DCBLD1: variants seen among roughly 807,000 people sequenced by gnomAD.
DCBLD1 encodes discoidin, CUB and LCCL domain-containing protein 1.
DCBLD1 carries 57 observed loss-of-function variants against 71.5 expected under a neutral mutation model. That is an observed-to-expected ratio of 0.80 (90% CI 0.64 to 0.99). The LOEUF is 0.99. DCBLD1 is among the 50% of genes least tolerant of loss of function. DCBLD1 has a pLI of 0.00. For missense variants in DCBLD1, 891 were observed against 923.5 expected, an observed-to-expected ratio of 0.96 and a Z score of 0.46; for synonymous variants, 380 against 363.8, an observed-to-expected ratio of 1.04 and a Z score of -0.51.
intron 12 of DCBLD1, 24 bp downstream of exon 12, chr6:117,543,235 A>G: frequency 2.2e-5 from 35 of 1,606,512 alleles, no homozygotes; most frequent in Non-Finnish European, 3.0e-5. Context: ...ACATGTTTAA[A>G]TTTCTTCTCT....
intron 2 of DCBLD1, among the ~76,000 whole-genome samples, chr6:117,513,275 G>A (rs1262007918): frequency 7.2e-5 from 11 of 152,154 alleles, no homozygotes; most frequent in Non-Finnish European, 1.5e-4. Context: ...TAATGAAATA[G>A]TAGCCCGAAA....
intron 2 of DCBLD1, among the ~76,000 whole-genome samples, chr6:117,509,613 T>C (rs969430164): frequency 6.6e-6 from 1 of 152,218 alleles, no homozygotes; most frequent in Non-Finnish European, 1.5e-5. Context: ...CCCCTCCCTC[T>C]TCCCAGCCGC....
At chr6:117,517,842 C>T (rs1427999539) in intron 2 of DCBLD1, among the ~76,000 whole-genome samples, 3 of 152,192 alleles carry the variant, frequency 2.0e-5, no homozygotes, top group Non-Finnish European at 4.4e-5. Flanking sequence ...GGATGCTAGT[C>T]CTGGCCCAGG....
chr6:117,540,395 A>G (rs751220301), intron 9 of DCBLD1: 16 of 357,226 alleles, frequency 4.5e-5, no homozygotes, highest in Non-Finnish European at 7.3e-5. Context: ...AGTTGAATGT[A>G]GGAATATTAA....
intron 1 of DCBLD1, among the ~76,000 whole-genome samples, chr6:117,486,417 A>G (rs879238591): frequency 6.6e-6 from 1 of 152,180 alleles, no homozygotes; most frequent in African/African-American, 2.4e-5. Context: ...AATGTTAGCT[A>G]TCTTAGTATT....
chr6:117,548,795 A>G lies in DCBLD1; in HGVS notation c.*356A>G, dbSNP rs1287362543. 3.5e-5 allele frequency: 39 copies of G among 1,108,294 alleles called. No homozygotes were observed. The highest frequency in any genetic ancestry group is 4.0e-5 in the Non-Finnish European group (36 of 907,650). The allele number at this position is 1,108,294 out of a possible 1,614,324, so 68.7% of individuals were successfully genotyped here. ...AATAAAAGTAACTTAAGTTTGCTCT[A>G]TCAGATTTTAGTTCTGCACAGAGGT... On this transcript the variant is annotated 3_prime_UTR_variant, in exon 15 of 15. Coordinates refer to ENST00000338728, the MANE Select transcript of DCBLD1 (RefSeq NM_001366458.2).
intron 2 of DCBLD1, among the ~76,000 whole-genome samples, chr6:117,509,754 A>G (rs1777955905): frequency 6.6e-6 from 1 of 152,030 alleles, no homozygotes; most frequent in East Asian, 1.9e-4. Flanking sequence ...CCAGCAGCAC[A>G]CCCTACCCTA....
chr6:117,547,526 A>G (rs1343179408), intron 14 of DCBLD1: 12 of 500,338 alleles, frequency 2.4e-5, no homozygotes, highest in Non-Finnish European at 2.0e-5. Flanking sequence ...TGTCCCTCAT[A>G]CTCTGGCCAT....
At chr6:117,528,068 T>C (rs1441104467) in intron 5 of DCBLD1, among the ~76,000 whole-genome samples, 1 of 152,198 alleles carries the variant, frequency 6.6e-6, no homozygotes, top group East Asian at 1.9e-4. Flanking sequence ...CAAGAAGTAC[T>C]GTAAAATAGA....
At chr6:117,532,168 C>T in intron 5 of DCBLD1, 92 bp from the exon 6 acceptor site, 4 of 1,509,006 alleles carry the variant, frequency 2.7e-6, no homozygotes, top group Non-Finnish European at 3.5e-6. Flanking sequence ...GGGGCCACTA[C>T]TATAAATTAC....
intron 2 of DCBLD1, among the ~76,000 whole-genome samples, chr6:117,512,600 C>T (rs972001020): frequency 2.6e-5 from 4 of 152,158 alleles, no homozygotes; most frequent in Non-Finnish European, 5.9e-5. Flanking sequence ...CCTCTGAGCA[C>T]AGATCTGGGC....
intron 1 of DCBLD1, chr6:117,503,559 C>T (rs545211716): frequency 8.7e-6 from 5 of 575,912 alleles, no homozygotes; most frequent in South Asian, 6.7e-5. Context: ...TTTTGATCAA[C>T]AAGAAGATAA....
intron 13 of DCBLD1, among the ~76,000 whole-genome samples, chr6:117,544,987 A>G (rs1025477220): frequency 1.3e-5 from 2 of 148,358 alleles, no homozygotes. Flanking sequence ...CAGGTTTCAG[A>G]TAATCCTGCA....
At chr6:117,494,645 G>A (rs1180830405) in intron 1 of DCBLD1, 1 of 151,014 alleles carries the variant, frequency 6.6e-6, no homozygotes, top group Non-Finnish European at 1.5e-5. Context: ...CTTAACCAAT[G>A]TGTCCAGTTT....
At chr6:117,513,292 A>G (rs980471534) in intron 2 of DCBLD1, among the ~76,000 whole-genome samples, 1 of 152,182 alleles carries the variant, frequency 6.6e-6, no homozygotes, top group African/African-American at 2.4e-5. Context: ...GAAACAGGGA[A>G]TGTGCTGAGA....
intron 1 of DCBLD1, among the ~76,000 whole-genome samples, chr6:117,489,481 G>A (rs901031873): frequency 6.6e-6 from 1 of 152,096 alleles, no homozygotes; most frequent in Non-Finnish European, 1.5e-5. Flanking sequence ...TTTTTTTGTA[G>A]GAAAAGCTGC....
intron 2 of DCBLD1, among the ~76,000 whole-genome samples, chr6:117,509,332 T>C (rs1777938943): frequency 1.3e-5 from 2 of 152,162 alleles, no homozygotes; most frequent in Admixed American, 1.3e-4. Flanking sequence ...CTTGGGAGGT[T>C]GAGGCAAGAG....
intron 1 of DCBLD1, among the ~76,000 whole-genome samples, chr6:117,491,188 A>C (rs1610434): frequency 6.6e-6 from 1 of 152,204 alleles, no homozygotes; most frequent in Non-Finnish European, 1.5e-5. Context: ...ATTTCAGCCC[A>C]AAAGAGAAAA....
rs534287741 is a variant in DCBLD1 at position 117,483,397 on chromosome 6, G to A, written c.112+504G>A. Among the ~76,000 whole-genome samples, 7 of 152,328 alleles carry A rather than the reference G, an allele frequency of 4.6e-5. No individual in the cohort carries two copies. In the East Asian group the frequency reaches 1.4e-3, roughly 29 times the overall value. On this transcript the variant is annotated intron_variant, in intron 1 of 14. Coordinates refer to ENST00000338728, the MANE Select transcript of DCBLD1 (RefSeq NM_001366458.2). Reference sequence around the variant, plus strand: ...TGGAATCCCGGCGTGTGCGTTCGGGGCTCGTGCGGAATGGCCGGGGCACGT... The same window carrying A: ...TGGAATCCCGGCGTGTGCGTTCGGGACTCGTGCGGAATGGCCGGGGCACGT...
Sources: allele counts gnomAD v4.1 joint callset (sites outside exome capture counted in the v4.1 genomes callset), GRCh38; gene constraint gnomAD v4.1.1; transcripts MANE v1.5; gene names NCBI Gene and HGNC (gene_info 2026-07-23, HGNC 2026-07-21).